SND1: variants seen among roughly 807,000 people sequenced by gnomAD.
SND1 encodes staphylococcal nuclease and tudor domain containing 1.
In SND1, 38 loss-of-function variants were observed where a neutral mutation model predicts 121.7. The ratio of observed to expected loss-of-function variants is 0.31; its 90% confidence interval spans 0.24 to 0.41. The LOEUF is 0.41. Among genes scored for constraint, SND1 ranks in the 10% least tolerant of loss-of-function variants. SND1 has a pLI of 1.00. For missense variants in SND1, 868 were observed against 1,184.6 expected, an observed-to-expected ratio of 0.73 and a Z score of 3.92; for synonymous variants, 401 against 447.4, an observed-to-expected ratio of 0.90 and a Z score of 1.31.
Position 127,770,513 on chromosome 7 carries a change from G to T in SND1, c.1153-36971G>T, listed in dbSNP as rs528000479. Among the ~76,000 whole-genome samples, 20 of 152,210 alleles carry T rather than the reference G, an allele frequency of 1.3e-4. No individual in the cohort carries two copies. The South Asian group carries it at 4.1e-3, about 32-fold the overall frequency. On this transcript the variant is annotated intron_variant, in intron 10 of 23. Transcript: ENST00000354725. ...TGCTGACAAAGTCAAAGCCCTATGA[G>T]GGCTTTTAAAATCTTTATTTTTTAT...
At position 127,686,728 on chromosome 7, in the gene SND1, C is replaced by T. The variant is rs144637656; in HGVS notation, c.194C>T (p.Ala65Val). ...GGAAATCTTGCTCGCCGGGCAGCCG[C>T]CACACAACCTGATGCAAAGGATACC... ...RAGNLARRAA[A>V]TQPDAKDTPD... The change falls in exon 2 of 24, where the codon GCC (alanine) becomes GTC (valine). Residue 65 changes from alanine to valine, a missense_variant. Coordinates refer to ENST00000354725, the MANE Select transcript of SND1 (RefSeq NM_014390.4). 1,735 of 1,614,182 alleles carry T rather than the reference C, an allele frequency of 1.1e-3. 3 individuals are homozygous for T. Among genetic ancestry groups the T allele is most frequent in the Non-Finnish European group, 1.3e-3 (1,526 of 1,180,020 alleles).
chr7:127,738,689 CT>C (rs1416529145), intron 10 of SND1, among the ~76,000 whole-genome samples: 1 of 152,122 alleles, frequency 6.6e-6, no homozygotes, highest in Non-Finnish European at 1.5e-5. Context: ...TCCCTGAGGT[CT>C]TTTTCTTAAC....
At chr7:127,745,393 T>C (rs1383586928) in intron 10 of SND1, among the ~76,000 whole-genome samples, 2 of 152,202 alleles carry the variant, frequency 1.3e-5, no homozygotes, top group Admixed American at 1.3e-4. Flanking sequence ...GAAATGTCAT[T>C]ATGTGACGCA....
At chr7:127,686,569 AC>A (rs773026538) in intron 1 of SND1, 43 bp from the exon 2 acceptor site, 2 of 1,589,118 alleles carry the variant, frequency 1.3e-6, no homozygotes, top group African/African-American at 2.7e-5. Flanking sequence ...TTATGGTGAT[AC>A]GGCCTCTGGA....
chr7:128,018,054 T>C (rs1305188652), intron 16 of SND1, among the ~76,000 whole-genome samples: 5 of 152,242 alleles, frequency 3.3e-5, no homozygotes, highest in Admixed American at 3.3e-4. Flanking sequence ...CCTGCCAAGC[T>C]AAACAAACCC....
intron 12 of SND1, among the ~76,000 whole-genome samples, chr7:127,877,986 CCTT>C (rs1327159449): frequency 6.6e-6 from 1 of 152,098 alleles, no homozygotes; most frequent in Admixed American, 6.5e-5. Flanking sequence ...TCTCTCTCCT[CCTT>C]CTTCTCTTTC....
intron 15 of SND1, among the ~76,000 whole-genome samples, chr7:127,960,004 T>C (rs937883998): frequency 6.6e-6 from 1 of 152,224 alleles, no homozygotes; most frequent in African/African-American, 2.4e-5. Flanking sequence ...GCCTCTCGTC[T>C]GCTATCTATT....
chr7:127,787,895 C>G (rs1311145638), intron 10 of SND1, among the ~76,000 whole-genome samples: 4 of 152,104 alleles, frequency 2.6e-5, no homozygotes, highest in African/African-American at 4.8e-5. Context: ...TGCATTTATC[C>G]AAACATTTTC....
At chr7:127,799,422 A>G (rs750180235) in intron 10 of SND1, among the ~76,000 whole-genome samples, 10 of 152,182 alleles carry the variant, frequency 6.6e-5, no homozygotes, top group Non-Finnish European at 1.2e-4. Flanking sequence ...ATCTGTAACT[A>G]TTATTATTCT....
intron 10 of SND1, among the ~76,000 whole-genome samples, chr7:127,764,604 CTT>C (rs1797379056): frequency 2.6e-5 from 4 of 152,186 alleles, no homozygotes; most frequent in African/African-American, 9.7e-5. Flanking sequence ...ATCAGAATAT[CTT>C]TTAATGTTTG....
chr7:127,769,124 A>G (rs1028871384), intron 10 of SND1, among the ~76,000 whole-genome samples: 10 of 152,184 alleles, frequency 6.6e-5, no homozygotes, highest in African/African-American at 2.4e-4. Flanking sequence ...GTATCAGGAG[A>G]CTGAACTGGG....
At chr7:127,989,500 G>A (rs540261261) in intron 15 of SND1, among the ~76,000 whole-genome samples, 1 of 152,034 alleles carries the variant, frequency 6.6e-6, no homozygotes, top group Admixed American at 6.5e-5. Flanking sequence ...ACACAGAGAT[G>A]TACCTTCTAT....
chr7:128,032,446 C>G (rs1792654930), intron 16 of SND1, among the ~76,000 whole-genome samples: 1 of 151,704 alleles, frequency 6.6e-6, no homozygotes, highest in Non-Finnish European at 1.5e-5. Context: ...GCGTTCGCAG[C>G]TATTTTGGGC....
chr7:127,988,667 G>C (rs1339657545), intron 15 of SND1, among the ~76,000 whole-genome samples: 1 of 152,202 alleles, frequency 6.6e-6, no homozygotes, highest in Non-Finnish European at 1.5e-5. Context: ...CCAAGAGAGT[G>C]ACAAAGGAGT....
intron 21 of SND1, among the ~76,000 whole-genome samples, chr7:128,089,272 G>A (rs1249453847): frequency 3.3e-5 from 5 of 151,822 alleles, no homozygotes; most frequent in African/African-American, 4.8e-5. Context: ...CAGGCTGGTC[G>A]CCAACTCCTG....
intron 9 of SND1, among the ~76,000 whole-genome samples, chr7:127,711,140 T>G (rs1379296916): frequency 6.6e-6 from 1 of 152,220 alleles, no homozygotes; most frequent in Non-Finnish European, 1.5e-5. Context: ...TTTGCCTGTT[T>G]TAGAGCTGTC....
intron 16 of SND1, among the ~76,000 whole-genome samples, chr7:128,026,317 G>C (rs1172969987): frequency 6.6e-6 from 1 of 152,166 alleles, no homozygotes; most frequent in African/African-American, 2.4e-5. Flanking sequence ...ATAAGTGTGT[G>C]CCCATACATA....
At chr7:127,923,713 T>G (rs1309355870) in intron 14 of SND1, among the ~76,000 whole-genome samples, 1 of 152,174 alleles carries the variant, frequency 6.6e-6, no homozygotes, top group East Asian at 1.9e-4. Context: ...GATGTAGTTG[T>G]GATTTGTCTT....
At chr7:127,794,128 T>A (rs1276010165) in intron 10 of SND1, among the ~76,000 whole-genome samples, 1 of 152,208 alleles carries the variant, frequency 6.6e-6, no homozygotes, top group Non-Finnish European at 1.5e-5. Context: ...TCATCTTCCT[T>A]CGTTAAGGTT....
Sources: gnomAD v4.1 joint callset for allele counts (sites outside exome capture counted in the v4.1 genomes callset) on GRCh38, gnomAD v4.1.1 for gene constraint, MANE v1.5 for transcripts, NCBI Gene and HGNC (gene_info 2026-07-23, HGNC 2026-07-21) for gene names.